The following ST6GALNAC5 variants were observed in gnomAD, a reference collection of about 807,000 sequenced individuals.
The protein encoded by ST6GALNAC5 is alpha-N-acetylgalactosaminide alpha-2,6-sialyltransferase 5.
ST6GALNAC5 carries 27 observed loss-of-function variants against 33.6 expected under a neutral mutation model. That is an observed-to-expected ratio of 0.80 (90% CI 0.59 to 1.11). The LOEUF (loss-of-function observed/expected upper bound fraction) is 1.11, where lower values mean the gene tolerates loss of function less well. Among genes scored for constraint, ST6GALNAC5 ranks in the 50% least tolerant of loss-of-function variants. The probability of loss-of-function intolerance (pLI) is 0.00; values close to 1 mark genes in which losing one functional copy is unlikely to be tolerated. For synonymous variants in ST6GALNAC5, 194 were observed against 171.2 expected, an observed-to-expected ratio of 1.13 and a Z score of -1.04; for missense variants, 428 against 454.0, an observed-to-expected ratio of 0.94 and a Z score of 0.52.
chr1:77,044,225 G>A lies in ST6GALNAC5; in HGVS notation c.283G>A (p.Asp95Asn), dbSNP rs778596486. ...DHKPLKMHCR[D>N]CALVTSSGHL... ...CCAGCCCCTGAAAATGCACTGCAGGGACTGTGCCCTGGTGACCAGCTCAGG... is the reference window on the plus strand; with the variant it reads ...CCAGCCCCTGAAAATGCACTGCAGGAACTGTGCCCTGGTGACCAGCTCAGG... Residue 95 changes from aspartate (D) to asparagine (N), a missense_variant, in exon 3 of 5, where the codon GAC (aspartate) becomes AAC (asparagine). By Grantham distance (23) the Asp-to-Asn change is conservative. Transcript: ENST00000477717. The A allele has an allele frequency of 1.9e-6, 3 of 1,611,090 alleles. No individual in the cohort carries two copies. Among genetic ancestry groups the A allele is most frequent in the Non-Finnish European group, 2.5e-6 (3 of 1,178,386 alleles).
Position 77,045,906 on chromosome 1 carries a change from C to T in ST6GALNAC5, c.671+1293C>T, listed in dbSNP as rs558207141. On this transcript the variant is annotated intron_variant, in intron 3 of 4. Transcript: ENST00000477717. ...CTGGGTTGGAACTCTGGCTCTGTCA[C>T]TCTCTAGTTGTGAGGGCCTGGACAA... Among the ~76,000 whole-genome samples the T allele has an allele frequency of 2.6e-5, 4 of 152,316 alleles. No individual in the cohort carries two copies. In the East Asian group the frequency reaches 5.8e-4, roughly 22 times the overall value.
chr1:76,920,761 C>T (rs1477907710), intron 2 of ST6GALNAC5, among the ~76,000 whole-genome samples: 1 of 152,126 alleles, frequency 6.6e-6, no homozygotes, highest in East Asian at 1.9e-4. Context: ...GCCAATCTGG[C>T]ATTTATACTG....
chr1:76,945,285 A>G (rs941303631), intron 2 of ST6GALNAC5, among the ~76,000 whole-genome samples: 6 of 152,090 alleles, frequency 3.9e-5, no homozygotes, highest in African/African-American at 1.4e-4. Flanking sequence ...AAAAAGGAAG[A>G]TTAAAAAGGC....
intron 2 of ST6GALNAC5, among the ~76,000 whole-genome samples, chr1:76,988,679 A>T (rs1472824503): frequency 1.3e-5 from 2 of 152,130 alleles, no homozygotes; most frequent in Non-Finnish European, 2.9e-5. Flanking sequence ...ATTAAACAGT[A>T]AACACATTTT....
At chr1:76,961,623 T>G (rs1648244479) in intron 2 of ST6GALNAC5, among the ~76,000 whole-genome samples, 3 of 152,164 alleles carry the variant, frequency 2.0e-5, no homozygotes. Context: ...CTGAGCTTCT[T>G]TCCACCAGAG....
intron 2 of ST6GALNAC5, among the ~76,000 whole-genome samples, chr1:76,930,101 G>C (rs1162926397): frequency 6.6e-6 from 1 of 152,130 alleles, no homozygotes. Context: ...GCACAGCATA[G>C]ACTGGAGGCA....
chr1:76,882,987 C>T (rs1242584203), intron 2 of ST6GALNAC5, among the ~76,000 whole-genome samples: 3 of 152,202 alleles, frequency 2.0e-5, no homozygotes, highest in Admixed American at 2.0e-4. Context: ...TTGTTCTTGT[C>T]TGCTTTACCT....
At chr1:76,877,504 T>C (rs1407301602) in intron 2 of ST6GALNAC5, among the ~76,000 whole-genome samples, 1 of 152,176 alleles carries the variant, frequency 6.6e-6, no homozygotes, top group Admixed American at 6.5e-5. Flanking sequence ...TTCTTCATTG[T>C]AGGAGGGCCC....
intron 4 of ST6GALNAC5, among the ~76,000 whole-genome samples, chr1:77,055,408 T>G (rs1652359223): frequency 6.6e-6 from 1 of 152,230 alleles, no homozygotes; most frequent in Non-Finnish European, 1.5e-5. Flanking sequence ...GGCTGATATT[T>G]GTTGTGCACA....
intron 2 of ST6GALNAC5, among the ~76,000 whole-genome samples, chr1:77,027,279 A>G (rs538309014): frequency 2.6e-5 from 4 of 152,358 alleles, no homozygotes; most frequent in African/African-American, 9.6e-5. Flanking sequence ...ACTTGGGCTT[A>G]TGACCAAGTC....
At chr1:77,026,791 C>CTGAATGAATGAATGAA (rs58272106) in intron 2 of ST6GALNAC5, among the ~76,000 whole-genome samples, 5 of 149,304 alleles carry the variant, frequency 3.3e-5, no homozygotes, top group East Asian at 2.0e-4. Context: ...AGAACACTTT[C>CTGAATGAATGAATGAA]TGAATGAATG....
rs113521976 is a variant in ST6GALNAC5, at chr1:76,970,600, C to T, written c.262-73604C>T. Among the ~76,000 whole-genome samples, 27 of 152,138 alleles carry T rather than the reference C, an allele frequency of 1.8e-4. 1 individual carries two copies. The highest frequency in any genetic ancestry group is 6.3e-4 in the African/African-American group (26 of 41,518). On this transcript the variant is annotated intron_variant, in intron 2 of 4. Transcript: ENST00000477717. ...GTGTGATTGGTGTACCTGAAAGTGA[C>T]GGGGAGAGGGGAACCAAGTTGGAAA...
intron 2 of ST6GALNAC5, among the ~76,000 whole-genome samples, chr1:76,887,128 G>A (rs888637180): frequency 7.2e-5 from 11 of 152,034 alleles, no homozygotes; most frequent in South Asian, 2.1e-4. Flanking sequence ...ACTTCCAGCC[G>A]TTCCCACCTC....
At position 76,884,874 on chromosome 1, in the gene ST6GALNAC5, T is replaced by C. The variant is rs183566398; in HGVS notation, c.261+16132T>C. 3.3e-5 allele frequency among the ~76,000 whole-genome samples: 5 copies of C among 152,334 alleles called. No homozygotes were observed. In the East Asian group the frequency reaches 5.8e-4, roughly 18 times the overall value. On this transcript the variant is annotated intron_variant, in intron 2 of 4. Coordinates refer to ENST00000477717, the MANE Select transcript of ST6GALNAC5 (RefSeq NM_030965.3). The stretch of plus-strand genomic sequence containing the variant: ...AATAAGTTCTTCTGACTAGGACTTA[T>C]GACAACTAGGGAAGAGTAGTAACCA...
At chr1:76,965,220 C>G (rs1557739416) in intron 2 of ST6GALNAC5, among the ~76,000 whole-genome samples, 2 of 151,440 alleles carry the variant, frequency 1.3e-5, no homozygotes, top group Non-Finnish European at 3.0e-5. Flanking sequence ...TTACCACCCC[C>G]CCCACCAACA....
At chr1:76,961,195 C>T (rs747808998) in intron 2 of ST6GALNAC5, among the ~76,000 whole-genome samples, 72 of 152,164 alleles carry the variant, frequency 4.7e-4, no homozygotes, top group Non-Finnish European at 6.2e-4. Context: ...ATTCGGGGTT[C>T]CTGACTTCCT....
At chr1:76,897,369 C>A (rs1192819322) in intron 2 of ST6GALNAC5, among the ~76,000 whole-genome samples, 1 of 152,146 alleles carries the variant, frequency 6.6e-6, no homozygotes, top group Non-Finnish European at 1.5e-5. Flanking sequence ...GTCATAGATC[C>A]TGAACTAACT....
At chr1:76,951,737 A>G (rs1647754401) in intron 2 of ST6GALNAC5, among the ~76,000 whole-genome samples, 1 of 152,168 alleles carries the variant, frequency 6.6e-6, no homozygotes, top group South Asian at 2.1e-4. Flanking sequence ...TAATTTACAA[A>G]TAACAATAAA....
chr1:76,892,066 T>C (rs1428104222), intron 2 of ST6GALNAC5, among the ~76,000 whole-genome samples: 1 of 152,232 alleles, frequency 6.6e-6, no homozygotes, highest in African/African-American at 2.4e-5. Context: ...ATTTGGTTTA[T>C]AGAGACTAAA....
Sources: allele counts gnomAD v4.1 joint callset (sites outside exome capture counted in the v4.1 genomes callset), GRCh38; gene constraint gnomAD v4.1.1; transcripts MANE v1.5; gene names NCBI Gene and HGNC (gene_info 2026-07-23, HGNC 2026-07-21).